Variants in PHF20L1 observed in about 807,000 individuals in gnomAD.
The protein encoded by PHF20L1 is PHD finger protein 20 like 1.
In PHF20L1, 44 loss-of-function variants were observed where a neutral mutation model predicts 125.5. That is an observed-to-expected ratio of 0.35 (90% CI 0.28 to 0.45). The LOEUF (loss-of-function observed/expected upper bound fraction) is 0.45, where lower values mean the gene tolerates loss of function less well. PHF20L1 is among the 20% of genes least tolerant of loss of function. The pLI, the probability that PHF20L1 is intolerant of heterozygous loss-of-function variation, is 1.00. For synonymous variants in PHF20L1, 380 were observed against 403.1 expected (o/e 0.94, Z 0.69); for missense variants, 1,012 against 1,217.2 (o/e 0.83, Z 2.51).
intron 2 of PHF20L1, among the ~76,000 whole-genome samples, chr8:132,780,413 A>G (rs1162431731): frequency 1.3e-5 from 2 of 152,166 alleles, no homozygotes; most frequent in Non-Finnish European, 2.9e-5. Flanking sequence ...TTGCATTAAT[A>G]TTAAGTAAAA....
intron 6 of PHF20L1, among the ~76,000 whole-genome samples, chr8:132,802,719 A>G (rs983411804): frequency 6.6e-6 from 1 of 151,828 alleles, no homozygotes; most frequent in African/African-American, 2.4e-5. Context: ...TTTTCTTTTT[A>G]ATGGCTTATT....
chr8:132,802,868 C>T (rs1344659703), intron 6 of PHF20L1, among the ~76,000 whole-genome samples: 1 of 151,702 alleles, frequency 6.6e-6, no homozygotes, highest in Non-Finnish European at 1.5e-5. Context: ...GTTGCTTGGA[C>T]TAGGGATTTA....
At chr8:132,812,948 TATTTA>T in intron 9 of PHF20L1, 1 of 945,062 alleles carries the variant, frequency 1.1e-6, no homozygotes, top group Non-Finnish European at 1.3e-6. Context: ...AATTATAGAT[TATTTA>T]ATTGTATTAG....
At chr8:132,804,817 A>C in intron 8 of PHF20L1, 77 bp downstream of exon 8, 1 of 1,316,686 alleles carries the variant, frequency 7.6e-7, no homozygotes. Flanking sequence ...TTAATGAAGT[A>C]AAATGGTTTT....
chr8:132,807,641 A>ATGTAACCACTTTGCTCTTTCTT, intron 8 of PHF20L1: 1 of 438,310 alleles, frequency 2.3e-6, no homozygotes, highest in South Asian at 1.6e-5. Context: ...TAGACCAAGA[A>ATGTAACCACTTTGCTCTTTCTT]TGTAACCACT....
At chr8:132,830,652 C>T (rs1836667215) in intron 14 of PHF20L1, among the ~76,000 whole-genome samples, 1 of 152,110 alleles carries the variant, frequency 6.6e-6, no homozygotes, top group African/African-American at 2.4e-5. Flanking sequence ...CTTGCTCATA[C>T]TCTATCTACC....
chr8:132,833,484 T>TA (rs1837003744), intron 15 of PHF20L1, among the ~76,000 whole-genome samples: 1 of 152,060 alleles, frequency 6.6e-6, no homozygotes, highest in Non-Finnish European at 1.5e-5. Context: ...CGGTGAACCT[T>TA]ACAATCATTG....
At position 132,821,233 on chromosome 8, in the gene PHF20L1, C is replaced by T. The variant is rs148054035; in HGVS notation, c.1580-2771C>T. On this transcript the variant is annotated intron_variant, in intron 12 of 20. Coordinates refer to ENST00000395386, the MANE Select transcript of PHF20L1 (RefSeq NM_016018.5). ...TATTTACTTATTACATAGATACTTACATAGATACTATGATACTATCATAGA... is the reference window on the plus strand; with the variant it reads ...TATTTACTTATTACATAGATACTTATATAGATACTATGATACTATCATAGA... 6.6e-5 allele frequency among the ~76,000 whole-genome samples: 10 copies of T among 151,784 alleles called. No individual in the cohort carries two copies. In the East Asian group the frequency reaches 1.8e-3, roughly 27 times the overall value.
At chr8:132,812,646 A>G (rs1232216694) in intron 9 of PHF20L1, 4 of 985,034 alleles carry the variant, frequency 4.1e-6, no homozygotes, top group East Asian at 1.1e-4. Flanking sequence ...GTTGATTTCA[A>G]TGTGAAAATG....
At chr8:132,790,095 A>T (rs1450655132) in intron 2 of PHF20L1, among the ~76,000 whole-genome samples, 2 of 152,192 alleles carry the variant, frequency 1.3e-5, no homozygotes, top group African/African-American at 4.8e-5. Context: ...CTATGATTCA[A>T]CCTTTAAAAA....
At chr8:132,827,114 G>A (rs958087804) in intron 14 of PHF20L1, among the ~76,000 whole-genome samples, 3 of 151,938 alleles carry the variant, frequency 2.0e-5, no homozygotes, top group Non-Finnish European at 4.4e-5. Context: ...ACATTTCCGG[G>A]CACTTCTGTG....
At chr8:132,790,631 C>T (rs1358936147) in intron 2 of PHF20L1, among the ~76,000 whole-genome samples, 1 of 152,216 alleles carries the variant, frequency 6.6e-6, no homozygotes, top group Non-Finnish European at 1.5e-5. Flanking sequence ...AAGTGCTCCT[C>T]CAATCTCTGA....
At chr8:132,845,705 A>G in intron 20 of PHF20L1, 76 bp from the exon 21 acceptor site, 1 of 1,051,308 alleles carries the variant, frequency 9.5e-7, no homozygotes, top group Non-Finnish European at 1.5e-6. Flanking sequence ...TCACAGCTCC[A>G]ACTTTCTGAT....
chr8:132,838,739 CATT>C (rs990590153), intron 17 of PHF20L1: 13 of 152,116 alleles, frequency 8.5e-5, no homozygotes, highest in Non-Finnish European at 1.8e-4. Flanking sequence ...TTATAGTGTT[CATT>C]ATTCATTGTA....
Position 132,799,879 on chromosome 8 carries a change from A to C in PHF20L1, c.507+707A>C, listed in dbSNP as rs573350466. ...TCTAATTAATATGTAAATGCAATTT[A>C]AAATGAAAATGCTTTTGATCAGGAA... is the stretch of plus-strand genomic sequence containing the variant. On this transcript the variant is annotated intron_variant, in intron 6 of 20. Coordinates refer to ENST00000395386, the MANE Select transcript of PHF20L1 (RefSeq NM_016018.5). 1.6e-4 allele frequency: 25 copies of C among 152,056 alleles called. No homozygotes were observed. The East Asian group carries it at 4.4e-3, about 27-fold the overall frequency. The allele number at this position is 152,056 out of a possible 1,614,324, so 9.4% of individuals were successfully genotyped here.
At chr8:132,787,734 A>G (rs1444567489) in intron 2 of PHF20L1, among the ~76,000 whole-genome samples, 1 of 152,188 alleles carries the variant, frequency 6.6e-6, no homozygotes, top group African/African-American at 2.4e-5. Flanking sequence ...TATTGCAGTT[A>G]TAATCAATGG....
intron 20 of PHF20L1, among the ~76,000 whole-genome samples, chr8:132,844,541 G>A (rs1838248531): frequency 1.3e-5 from 2 of 151,918 alleles, no homozygotes; most frequent in Non-Finnish European, 2.9e-5. Flanking sequence ...TTTTTAAGGT[G>A]GATATTTATT....
In PHF20L1 at chr8:132,799,043, G is replaced by A. The variant is rs369184257; in HGVS notation, c.430-52G>A. 36 of 1,468,978 alleles carry A rather than the reference G, an allele frequency of 2.5e-5. No individual in the cohort carries two copies. The African/African-American group carries it at 4.6e-4, about 19-fold the overall frequency. The allele number at this position is 1,468,978 out of a possible 1,614,324, so 91.0% of individuals were successfully genotyped here. A position where few individuals can be genotyped will look rare whatever the true frequency, so the allele number is the denominator to read the frequency against. On this transcript the variant is annotated intron_variant, in intron 5 of 20. Coordinates refer to ENST00000395386, the MANE Select transcript of PHF20L1 (RefSeq NM_016018.5). Reference sequence around the variant, plus strand: ...AAAATAAATTATACATTTGATTTTTGCTTCTTTGGTTTAGACCTGCTAAAG... The same window carrying A: ...AAAATAAATTATACATTTGATTTTTACTTCTTTGGTTTAGACCTGCTAAAG...
intron 4 of PHF20L1, among the ~76,000 whole-genome samples, chr8:132,797,738 A>G (rs1484292236): frequency 6.6e-6 from 1 of 151,914 alleles, no homozygotes; most frequent in Non-Finnish European, 1.5e-5. Context: ...ATAAAATCAA[A>G]TGGTGTTATT....
Sources: allele counts gnomAD v4.1 joint callset (sites outside exome capture counted in the v4.1 genomes callset), GRCh38; gene constraint gnomAD v4.1.1; transcripts MANE v1.5; gene names NCBI Gene and HGNC (gene_info 2026-07-23, HGNC 2026-07-21).